Variants in CAMK2D observed in about 807,000 individuals in gnomAD.
CAMK2D encodes the protein calcium/calmodulin dependent protein kinase II delta.
In CAMK2D, 37 loss-of-function variants were observed where a neutral mutation model predicts 84.0. That is an observed-to-expected ratio of 0.44 (90% confidence interval 0.34 to 0.58). The LOEUF is 0.58. Ranked by LOEUF, CAMK2D falls within the 20% of genes least tolerant of loss-of-function variation. The probability of loss-of-function intolerance (pLI) is 0.02; values close to 1 mark genes in which losing one functional copy is unlikely to be tolerated. For missense variants in CAMK2D, 448 were observed against 652.5 expected, an observed-to-expected ratio of 0.69 and a Z score of 3.41; for synonymous variants, 202 against 212.5, an observed-to-expected ratio of 0.95 and a Z score of 0.43.
chr4:113,502,631 T>C (rs1485324025), intron 15 of CAMK2D, among the ~76,000 whole-genome samples: 2 of 151,940 alleles, frequency 1.3e-5, no homozygotes, highest in African/African-American at 4.8e-5. Flanking sequence ...CACAAAGTCA[T>C]GGGGAAAAAA....
intron 6 of CAMK2D, among the ~76,000 whole-genome samples, chr4:113,546,916 C>T (rs1334169641): frequency 6.6e-6 from 1 of 152,106 alleles, no homozygotes; most frequent in Non-Finnish European, 1.5e-5. Context: ...TCTCTGTCCT[C>T]AAGGGTATCA....
chr4:113,597,526 T>C (rs78708311), intron 4 of CAMK2D, among the ~76,000 whole-genome samples: 6,254 of 152,312 alleles, frequency 0.041, 354 homozygotes, highest in East Asian at 0.19. Context: ...AAGTTAGGGC[T>C]TTGTTCTGGA....
intron 3 of CAMK2D, among the ~76,000 whole-genome samples, chr4:113,635,737 A>C (rs2077234033): frequency 6.6e-6 from 1 of 152,208 alleles, no homozygotes; most frequent in African/African-American, 2.4e-5. Context: ...TATGCTTTCT[A>C]GTTGGTGCCT....
chr4:113,601,680 A>ATTTTTTT (rs1591768154), intron 4 of CAMK2D, among the ~76,000 whole-genome samples: 2 of 34,590 alleles, frequency 5.8e-5, no homozygotes, highest in African/African-American at 1.0e-4. Context: ...TTAACTGTTT[A>ATTTTTTT]TTCTTTTTTT....
intron 3 of CAMK2D, among the ~76,000 whole-genome samples, chr4:113,630,365 T>G (rs1468248): frequency 0.071 from 10,807 of 152,250 alleles, 581 homozygotes; most frequent in East Asian, 0.19. Flanking sequence ...GGTTATGCGG[T>G]CTTTGAGAAA....
At position 113,548,606 on chromosome 4, in the gene CAMK2D, A is replaced by G. The variant is rs748645720; in HGVS notation, c.342-890T>C. On this transcript the variant is annotated intron_variant, in intron 5 of 20. Coordinates refer to ENST00000511664, the MANE Select transcript of CAMK2D (RefSeq NM_001321571.2). ...TACCCACCCTCTGCCCTTTCCCCAGAAAAAAAAATAAAACTGCTTTGATTC... is the reference window on the plus strand; with the variant it reads ...TACCCACCCTCTGCCCTTTCCCCAGGAAAAAAAATAAAACTGCTTTGATTC... 9 of 898,848 alleles carry G rather than the reference A, an allele frequency of 1.0e-5. No individual in the cohort carries two copies. The African/African-American group carries it at 1.5e-4, about 15-fold the overall frequency. The allele number at this position is 898,848 out of a possible 1,614,324, so 55.7% of individuals were successfully genotyped here.
At chr4:113,699,811 C>A (rs1015696399) in intron 2 of CAMK2D, among the ~76,000 whole-genome samples, 2 of 151,968 alleles carry the variant, frequency 1.3e-5, no homozygotes, top group South Asian at 4.1e-4. Context: ...TTTGATAAAC[C>A]AAGGCACTAA....
chr4:113,648,037 G>C (rs1417839666), intron 3 of CAMK2D, among the ~76,000 whole-genome samples: 1 of 152,140 alleles, frequency 6.6e-6, no homozygotes, highest in African/African-American at 2.4e-5. Context: ...CTTCAAAATA[G>C]TAACTCATTA....
rs76689805 is a variant in CAMK2D at position 113,712,001 on chromosome 4, C to A, written c.160+47319G>T. ...TGGAACTGGGAGGTCTGGTGAAGGC[C>A]CTTGTCTAAACACCTACCCCCACCC... On this transcript the variant is annotated intron_variant, in intron 2 of 20. Coordinates refer to ENST00000511664, the MANE Select transcript of CAMK2D (RefSeq NM_001321571.2). Among the ~76,000 whole-genome samples the A allele has an allele frequency of 6.9e-3, 1,050 of 152,088 alleles. 18 individuals carry two copies. The highest frequency in any genetic ancestry group is 0.024 in the African/African-American group (978 of 41,494).
At chr4:113,724,565 G>GA (rs1471860719) in intron 2 of CAMK2D, among the ~76,000 whole-genome samples, 147 of 150,920 alleles carry the variant, frequency 9.7e-4, no homozygotes, top group African/African-American at 3.5e-3. Flanking sequence ...CAATAAAGTA[G>GA]AAAACAAAAA....
In CAMK2D at chr4:113,459,638, CTT is replaced by C. The variant is rs35827287; in HGVS notation, c.1306+507_1306+508del. Reference sequence around the variant, plus strand: ...CTTGAAGTGTATTCAATCAACATTACTTTTTTTTTTTTTTTTTGAGATGGAGT... The same window carrying C: ...CTTGAAGTGTATTCAATCAACATTACTTTTTTTTTTTTTTTGAGATGGAGT... On this transcript the variant is annotated intron_variant, in intron 18 of 20. Coordinates refer to ENST00000511664, the MANE Select transcript of CAMK2D (RefSeq NM_001321571.2). 3.7e-4 allele frequency among the ~76,000 whole-genome samples: 50 copies of C among 133,376 alleles called. 1 individual carries two copies. Among genetic ancestry groups the C allele is most frequent in the Admixed American group, 2.8e-3 (37 of 13,246 alleles). The allele number at this position is 133,376 out of a possible 152,430, so 87.5% of individuals were successfully genotyped here.
At chr4:113,534,803 T>C (rs1418628102) in intron 7 of CAMK2D, among the ~76,000 whole-genome samples, 1 of 152,200 alleles carries the variant, frequency 6.6e-6, no homozygotes, top group Admixed American at 6.5e-5. Flanking sequence ...GAAGTGTTTA[T>C]TATCCCATTT....
At chr4:113,513,157 A>G (rs1590475378) in intron 12 of CAMK2D, 171 bp downstream of exon 12, 1 of 984,866 alleles carries the variant, frequency 1.0e-6, no homozygotes, top group Non-Finnish European at 1.2e-6. Flanking sequence ...GCACCCAGGT[A>G]GACTGCTAAT....
chr4:113,579,761 C>A (rs2098799657), intron 4 of CAMK2D, among the ~76,000 whole-genome samples: 1 of 152,180 alleles, frequency 6.6e-6, no homozygotes, highest in African/African-American at 2.4e-5. Flanking sequence ...TATTCCTTTA[C>A]AGCAATGCAA....
At chr4:113,645,542 G>C (rs2154297628) in intron 3 of CAMK2D, among the ~76,000 whole-genome samples, 1 of 152,294 alleles carries the variant, frequency 6.6e-6, no homozygotes, top group South Asian at 2.1e-4. Flanking sequence ...GAGCTCCCAA[G>C]TGACAGTGAG....
At chr4:113,543,271 C>T (rs1183581207) in intron 6 of CAMK2D, among the ~76,000 whole-genome samples, 3 of 152,144 alleles carry the variant, frequency 2.0e-5, no homozygotes, top group Non-Finnish European at 4.4e-5. Context: ...TCATTTGTTA[C>T]TGCAACCTCA....
At chr4:113,727,827 C>T (rs2099550797) in intron 2 of CAMK2D, among the ~76,000 whole-genome samples, 1 of 151,944 alleles carries the variant, frequency 6.6e-6, no homozygotes. Flanking sequence ...AATAAAAATC[C>T]AAATAATGCA....
Position 113,761,508 on chromosome 4 carries a change from G to A in CAMK2D, c.-440C>T, listed in dbSNP as rs1016569509. 3.9e-6 allele frequency: 4 copies of A among 1,036,010 alleles called. No individual in the cohort carries two copies. The highest frequency in any genetic ancestry group is 4.7e-6 in the Non-Finnish European group (4 of 859,954). 64.2% of individuals were successfully genotyped at this position (1,036,010 alleles called of 1,614,324 possible). A position where few individuals can be genotyped will look rare whatever the true frequency, so the allele number is the denominator to read the frequency against. Reference sequence around the variant, plus strand: ...AGAGGGGAGGGAGTCCGAGGGGGCGGAGGTGGAGTGCAGCGGGGCCGAGGC... The same window carrying A: ...AGAGGGGAGGGAGTCCGAGGGGGCGAAGGTGGAGTGCAGCGGGGCCGAGGC... On this transcript the variant is annotated 5_prime_UTR_variant, in exon 1 of 21. Coordinates refer to ENST00000511664, the MANE Select transcript of CAMK2D (RefSeq NM_001321571.2).
intron 3 of CAMK2D, among the ~76,000 whole-genome samples, chr4:113,613,941 G>A (rs1561362724): frequency 6.6e-6 from 1 of 152,048 alleles, no homozygotes; most frequent in African/African-American, 2.4e-5. Flanking sequence ...CAAGGGAGAA[G>A]AGGGAAAAGA....
Sources: gnomAD v4.1 joint callset for allele counts (sites outside exome capture counted in the v4.1 genomes callset) on GRCh38, gnomAD v4.1.1 for gene constraint, MANE v1.5 for transcripts, NCBI Gene and HGNC (gene_info 2026-07-23, HGNC 2026-07-21) for gene names.